Variants in DNAJC3 observed in about 807,000 individuals in gnomAD.
DNAJC3 encodes DnaJ heat shock protein family (Hsp40) member C3, also known as dnaJ homolog subfamily C member 3.
In DNAJC3, 38 loss-of-function variants were observed where a neutral mutation model predicts 68.6. The observed-to-expected ratio is 0.55, with a 90% CI of 0.43 to 0.73. The LOEUF is 0.73. Among genes scored for constraint, DNAJC3 ranks in the 30% least tolerant of loss-of-function variants. The probability of loss-of-function intolerance (pLI) is 0.00; values close to 1 mark genes in which losing one functional copy is unlikely to be tolerated. For synonymous variants in DNAJC3, 203 were observed against 204.0 expected (o/e 1.00, Z 0.04); for missense variants, 526 against 591.9 (o/e 0.89, Z 1.16).
At position 95,791,165 on chromosome 13, in the gene DNAJC3, A is replaced by T. The variant is rs1482810326; in HGVS notation, c.*135A>T. 9.8e-7 allele frequency: 1 copy of T among 1,021,998 alleles called. No individual in the cohort carries two copies. Among genetic ancestry groups the T allele is most frequent in the African/African-American group, 1.6e-5 (1 of 61,184 alleles). The allele number at this position is 1,021,998 out of a possible 1,614,324, so 63.3% of individuals were successfully genotyped here. A position where few individuals can be genotyped will look rare whatever the true frequency, so the allele number is the denominator to read the frequency against. On this transcript the variant is annotated 3_prime_UTR_variant, in exon 12 of 12. Coordinates refer to ENST00000602402, the MANE Select transcript of DNAJC3 (RefSeq NM_006260.5). ...CCAAAGAGTTGCTTTAATAGGAAAA[A>T]ATCTGTTCTTATCCCTGTCAGATTT...
chr13:95,760,581 C>G (rs1018134303), intron 6 of DNAJC3, 98 bp from the exon 7 acceptor site: 1 of 1,445,534 alleles, frequency 6.9e-7, no homozygotes, highest in Non-Finnish European at 9.2e-7. Context: ...TTTGTTTAAT[C>G]GTTGCAAACA....
intron 9 of DNAJC3, among the ~76,000 whole-genome samples, chr13:95,764,375 C>CTCTATATATA (rs1363565634): frequency 8.1e-6 from 1 of 124,022 alleles, no homozygotes; most frequent in African/African-American, 3.2e-5. Context: ...CTCTCTCTCT[C>CTCTATATATA]TATATATATA....
intron 4 of DNAJC3, among the ~76,000 whole-genome samples, chr13:95,741,768 T>C (rs1361063736): frequency 6.6e-6 from 1 of 152,140 alleles, no homozygotes; most frequent in Non-Finnish European, 1.5e-5. Flanking sequence ...GCTACTGTGG[T>C]GGCATGGCAA....
rs1351719007 is a variant in DNAJC3 at position 95,793,662 on chromosome 13, CTG to C, written c.*2636_*2637del. Reference sequence around the variant, plus strand: ...TATTTTTAGTAGAAATGGGGTTTCACTGTGTTAGCCAGGATGGTCTTGATCTC... The same window carrying C: ...TATTTTTAGTAGAAATGGGGTTTCACTGTTAGCCAGGATGGTCTTGATCTC... On this transcript the variant is annotated 3_prime_UTR_variant, in exon 12 of 12. Coordinates refer to ENST00000602402, the MANE Select transcript of DNAJC3 (RefSeq NM_006260.5). 2 of 152,276 alleles carry C rather than the reference CTG, an allele frequency of 1.3e-5. No homozygotes were observed. The highest frequency in any genetic ancestry group is 4.8e-5 in the African/African-American group (2 of 41,366). 9.4% of individuals were successfully genotyped at this position (152,276 alleles called of 1,614,324 possible). A position where few individuals can be genotyped will look rare whatever the true frequency, so the allele number is the denominator to read the frequency against.
In DNAJC3 at chr13:95,792,189, A is replaced by C. The variant is rs564608377; in HGVS notation, c.*1159A>C. The C allele has an allele frequency of 5.3e-5, 8 of 152,368 alleles. No individual in the cohort carries two copies. Among genetic ancestry groups the C allele is most frequent in the Admixed American group, 1.3e-4 (2 of 15,310 alleles). 9.4% of individuals were successfully genotyped at this position (152,368 alleles called of 1,614,324 possible). On this transcript the variant is annotated 3_prime_UTR_variant, in exon 12 of 12. Coordinates refer to ENST00000602402, the MANE Select transcript of DNAJC3 (RefSeq NM_006260.5). The stretch of plus-strand genomic sequence containing the variant: ...ATTTCCACTGTTGTTTCATTTAATA[A>C]GATGGCATCTCCTCTTGAGATATGT...
chr13:95,764,687 C>CACAA (rs1160674145), intron 9 of DNAJC3, among the ~76,000 whole-genome samples: 4 of 112,228 alleles, frequency 3.6e-5, no homozygotes, highest in African/African-American at 1.5e-4. Flanking sequence ...TATATATACA[C>CACAA]ACACACACAT....
chr13:95,779,580 C>T (rs1001268021), intron 9 of DNAJC3, among the ~76,000 whole-genome samples: 2 of 151,942 alleles, frequency 1.3e-5, no homozygotes, highest in African/African-American at 4.8e-5. Context: ...TCATTTTTAT[C>T]TTCTCCCTTG....
chr13:95,753,506 T>G (rs1056602949), intron 4 of DNAJC3, among the ~76,000 whole-genome samples: 1 of 152,168 alleles, frequency 6.6e-6, no homozygotes. Flanking sequence ...AAATTTAAAT[T>G]TTTGCTACTT....
At chr13:95,716,708 C>T (rs1229726979) in intron 2 of DNAJC3, among the ~76,000 whole-genome samples, 1 of 152,180 alleles carries the variant, frequency 6.6e-6, no homozygotes, top group African/African-American at 2.4e-5. Flanking sequence ...CTGAACTCCC[C>T]TCAGCATCCA....
chr13:95,740,165 C>G (rs1001711812), intron 4 of DNAJC3, among the ~76,000 whole-genome samples: 2 of 152,212 alleles, frequency 1.3e-5, no homozygotes, highest in Non-Finnish European at 1.5e-5. Flanking sequence ...GCAGTCTACC[C>G]GTTCTCAGAT....
chr13:95,786,897 TA>T, intron 10 of DNAJC3, 109 bp from the exon 11 acceptor site: 1 of 1,331,490 alleles, frequency 7.5e-7, no homozygotes. Context: ...AACTATTTTA[TA>T]AAACCAGTTT....
At chr13:95,720,217 C>G (rs1002451667) in intron 2 of DNAJC3, among the ~76,000 whole-genome samples, 2 of 152,038 alleles carry the variant, frequency 1.3e-5, no homozygotes, top group African/African-American at 2.4e-5. Flanking sequence ...TTGAGCTGTG[C>G]CTCAAAGATT....
chr13:95,702,940 A>G (rs1331144620), intron 1 of DNAJC3, among the ~76,000 whole-genome samples: 3 of 152,242 alleles, frequency 2.0e-5, no homozygotes, highest in Non-Finnish European at 4.4e-5. Flanking sequence ...ATTCAGTTAT[A>G]TAAAGACTAA....
At chr13:95,726,603 G>A (rs1242156599) in intron 4 of DNAJC3, among the ~76,000 whole-genome samples, 1 of 152,166 alleles carries the variant, frequency 6.6e-6, no homozygotes, top group Non-Finnish European at 1.5e-5. Context: ...CTTTGGATTT[G>A]TTAGGGAATG....
intron 3 of DNAJC3, among the ~76,000 whole-genome samples, chr13:95,724,431 A>G (rs1881439470): frequency 6.6e-6 from 1 of 152,182 alleles, no homozygotes; most frequent in African/African-American, 2.4e-5. Context: ...AGGGGGAGAA[A>G]CTGGTGCATG....
intron 9 of DNAJC3, among the ~76,000 whole-genome samples, chr13:95,784,417 T>C (rs1349603007): frequency 1.3e-5 from 2 of 152,032 alleles, no homozygotes; most frequent in Non-Finnish European, 2.9e-5. Context: ...ATTCCAGGAC[T>C]TCTCTCCCTG....
intron 4 of DNAJC3, chr13:95,742,668 G>A (rs769247498): frequency 3.3e-5 from 17 of 518,414 alleles, no homozygotes; most frequent in Non-Finnish European, 5.0e-5. Flanking sequence ...GGACTCCAGC[G>A]TTCTCTCCTA....
intron 4 of DNAJC3, among the ~76,000 whole-genome samples, chr13:95,732,344 A>G (rs1302954386): frequency 6.6e-6 from 1 of 152,070 alleles, no homozygotes; most frequent in Admixed American, 6.5e-5. Flanking sequence ...TTACTGATTT[A>G]ATCTTGTTAC....
chr13:95,732,516 A>G (rs1881745475), intron 4 of DNAJC3, among the ~76,000 whole-genome samples: 1 of 151,780 alleles, frequency 6.6e-6, no homozygotes, highest in African/African-American at 2.4e-5. Context: ...GGTATGAGTT[A>G]CAATATTTCC....
Sources: gnomAD v4.1 joint callset for allele counts (sites outside exome capture counted in the v4.1 genomes callset) on GRCh38, gnomAD v4.1.1 for gene constraint, MANE v1.5 for transcripts, NCBI Gene and HGNC (gene_info 2026-07-23, HGNC 2026-07-21) for gene names.